Variants in RSRC1 observed in about 807,000 individuals in gnomAD.
RSRC1 encodes the protein serine/Arginine-related protein 53.
A neutral mutation model predicts 49.1 loss-of-function variants in RSRC1; 39 were observed. That is an observed-to-expected ratio of 0.79 (90% confidence interval 0.61 to 1.04). The LOEUF (loss-of-function observed/expected upper bound fraction) is 1.04, where lower values mean the gene tolerates loss of function less well. Among genes scored for constraint, RSRC1 ranks in the 50% least tolerant of loss-of-function variants. The pLI, the probability that RSRC1 is intolerant of heterozygous loss-of-function variation, is 0.00. For missense variants in RSRC1, 388 were observed against 402.4 expected, an observed-to-expected ratio of 0.96 and a Z score of 0.31; for synonymous variants, 143 against 130.8, an observed-to-expected ratio of 1.09 and a Z score of -0.63.
At chr3:158,125,774 T>C (rs1715584145) in intron 3 of RSRC1, among the ~76,000 whole-genome samples, 1 of 152,138 alleles carries the variant, frequency 6.6e-6, no homozygotes, top group African/African-American at 2.4e-5. Flanking sequence ...TTATGTCTTA[T>C]TTTTCTGTCC....
At chr3:158,391,651 A>T (rs1443291027) in intron 6 of RSRC1, among the ~76,000 whole-genome samples, 1 of 152,110 alleles carries the variant, frequency 6.6e-6, no homozygotes, top group Non-Finnish European at 1.5e-5. Context: ...ACAAAAACTT[A>T]CTTGTTTATC....
chr3:158,165,697 C>T (rs770446886), intron 3 of RSRC1, among the ~76,000 whole-genome samples: 9 of 152,214 alleles, frequency 5.9e-5, no homozygotes, highest in Non-Finnish European at 1.0e-4. Flanking sequence ...TTGTGTCTGT[C>T]ACTATATTTG....
In RSRC1 at chr3:158,364,816, AAATAATAATAAT is replaced by A. The variant is rs59055843; in HGVS notation, c.583+9931_583+9942del. On this transcript the variant is annotated intron_variant, in intron 6 of 9. Transcript: ENST00000611884. ...CAGTTTTTTATTTACAGAATGGGAA[AAATAATAATAAT>A]AATAATAATAATAATAATAATATGT... is the stretch of plus-strand genomic sequence containing the variant. Among the ~76,000 whole-genome samples the A allele has an allele frequency of 1.7e-4, 24 of 144,202 alleles. 1 individual carries two copies. Among genetic ancestry groups the A allele is most frequent in the African/African-American group, 4.3e-4 (17 of 39,868 alleles). The allele number at this position is 144,202 out of a possible 152,430, so 94.6% of individuals were successfully genotyped here. A position where few individuals can be genotyped will look rare whatever the true frequency, so the allele number is the denominator to read the frequency against.
At chr3:158,466,756 C>T (rs755238068) in intron 7 of RSRC1, among the ~76,000 whole-genome samples, 11 of 152,002 alleles carry the variant, frequency 7.2e-5, no homozygotes, top group East Asian at 3.9e-4. Context: ...TATGAAATGG[C>T]GATAGTATTT....
intron 4 of RSRC1, among the ~76,000 whole-genome samples, chr3:158,291,302 A>G (rs1389937202): frequency 6.6e-6 from 1 of 152,232 alleles, no homozygotes; most frequent in Non-Finnish European, 1.5e-5. Flanking sequence ...TTATTTACCA[A>G]GGACTTGTTC....
chr3:158,175,360 G>T (rs1413931108), intron 3 of RSRC1, among the ~76,000 whole-genome samples: 2 of 151,906 alleles, frequency 1.3e-5, no homozygotes, highest in South Asian at 4.1e-4. Context: ...AGTACTTTTT[G>T]TGTTTGTTAA....
chr3:158,433,591 A>G (rs1485908190), intron 6 of RSRC1, among the ~76,000 whole-genome samples: 1 of 151,944 alleles, frequency 6.6e-6, no homozygotes, highest in East Asian at 1.9e-4. Flanking sequence ...ATGATATTTT[A>G]GCACACATAT....
chr3:158,334,098 TA>T (rs1729718162), intron 5 of RSRC1, among the ~76,000 whole-genome samples: 1 of 152,124 alleles, frequency 6.6e-6, no homozygotes, highest in Non-Finnish European at 1.5e-5. Context: ...TGCTGATACT[TA>T]AAATTATGGC....
intron 7 of RSRC1, among the ~76,000 whole-genome samples, chr3:158,494,430 GC>G (rs1739219534): frequency 6.6e-6 from 1 of 152,162 alleles, no homozygotes. Flanking sequence ...GAATTTGAAG[GC>G]CGAGGACATT....
intron 7 of RSRC1, among the ~76,000 whole-genome samples, chr3:158,487,946 CAAGAAAA>C (rs1461185905): frequency 2.9e-3 from 33 of 11,482 alleles, no homozygotes; most frequent in Admixed American, 0.015. Context: ...GACTCCATCT[CAAGAAAA>C]AAAAAAAAAA....
chr3:158,336,512 GC>G, intron 5 of RSRC1: 1 of 157,480 alleles, frequency 6.4e-6, no homozygotes, highest in Non-Finnish European at 1.4e-5. Flanking sequence ...GTAGGTCCCT[GC>G]CCATGTGGAG....
intron 6 of RSRC1, among the ~76,000 whole-genome samples, chr3:158,448,207 A>G (rs1417120578): frequency 1.3e-5 from 2 of 151,952 alleles, no homozygotes; most frequent in African/African-American, 4.8e-5. Flanking sequence ...TTTATTTTCC[A>G]TATCAGCATT....
At chr3:158,219,725 G>T (rs1361694627) in intron 4 of RSRC1, among the ~76,000 whole-genome samples, 4 of 151,548 alleles carry the variant, frequency 2.6e-5, no homozygotes, top group Non-Finnish European at 5.9e-5. Flanking sequence ...GGTAAGTAAT[G>T]TGCGGGAGTA....
intron 6 of RSRC1, among the ~76,000 whole-genome samples, chr3:158,370,773 T>C (rs1166830778): frequency 6.6e-6 from 1 of 151,884 alleles, no homozygotes; most frequent in African/African-American, 2.4e-5. Context: ...TGCTTAGGAT[T>C]GGGATGCTAA....
At chr3:158,218,890 G>T (rs1055032366) in intron 4 of RSRC1, among the ~76,000 whole-genome samples, 3 of 151,628 alleles carry the variant, frequency 2.0e-5, no homozygotes, top group Non-Finnish European at 4.4e-5. Flanking sequence ...AGTTACTGGA[G>T]ATTGCAAAGA....
At chr3:158,194,780 AATG>A (rs1399770594) in intron 3 of RSRC1, among the ~76,000 whole-genome samples, 1 of 151,698 alleles carries the variant, frequency 6.6e-6, no homozygotes, top group East Asian at 1.9e-4. Context: ...ATTTGCTGAG[AATG>A]ATGGTTTCCA....
chr3:158,112,770 A>G (rs1014438437), intron 1 of RSRC1, among the ~76,000 whole-genome samples: 1 of 152,090 alleles, frequency 6.6e-6, no homozygotes, highest in Non-Finnish European at 1.5e-5. Context: ...AGCATGCGTT[A>G]TCTATTTTTC....
At chr3:158,323,362 C>T (rs776109083) in intron 5 of RSRC1, among the ~76,000 whole-genome samples, 4 of 152,096 alleles carry the variant, frequency 2.6e-5, no homozygotes, top group African/African-American at 9.7e-5. Context: ...CGGTCGAATA[C>T]GTCAGGGCAG....
intron 4 of RSRC1, among the ~76,000 whole-genome samples, chr3:158,206,081 G>A (rs957588822): frequency 1.3e-5 from 2 of 152,172 alleles, no homozygotes; most frequent in Non-Finnish European, 2.9e-5. Context: ...TGTCTGGCTG[G>A]ATTTGGCTCA....
Sources: allele counts gnomAD v4.1 joint callset (sites outside exome capture counted in the v4.1 genomes callset), GRCh38; gene constraint gnomAD v4.1.1; transcripts MANE v1.5; gene names NCBI Gene and HGNC (gene_info 2026-07-23, HGNC 2026-07-21).